ANKLE2: variants seen among roughly 807,000 people sequenced by gnomAD.
ANKLE2 encodes ankyrin repeat and LEM domain containing 2.
A neutral mutation model predicts 84.2 loss-of-function variants in ANKLE2; 55 were observed. The observed-to-expected ratio is 0.65, with a 90% CI of 0.53 to 0.82. The LOEUF (loss-of-function observed/expected upper bound fraction) is 0.82, where lower values mean the gene tolerates loss of function less well. ANKLE2 is among the 40% of genes least tolerant of loss of function. ANKLE2 has a pLI of 0.00. For synonymous variants in ANKLE2, 551 were observed against 486.1 expected, an observed-to-expected ratio of 1.13 and a Z score of -1.76; for missense variants, 1,238 against 1,201.9, an observed-to-expected ratio of 1.03 and a Z score of -0.44.
chr12:132,728,420 G>A (rs1403249800), intron 11 of ANKLE2, among the ~76,000 whole-genome samples: 4 of 152,148 alleles, frequency 2.6e-5, no homozygotes, highest in African/African-American at 7.2e-5. Flanking sequence ...ATTAGAGATA[G>A]GATTTCACCA....
intron 8 of ANKLE2, 76 bp from the exon 9 acceptor site, chr12:132,735,588 T>C (rs2043992561): frequency 8.3e-7 from 1 of 1,205,204 alleles, no homozygotes; most frequent in Admixed American, 2.0e-5. Flanking sequence ...AGAGCCGTCG[T>C]CATCGCAGTA....
intron 1 of ANKLE2, chr12:132,756,981 A>C (rs1398377723): frequency 1.3e-5 from 2 of 152,108 alleles, no homozygotes; most frequent in African/African-American, 4.8e-5. Flanking sequence ...TAAGTAAATA[A>C]ACAAAAAGAT....
At position 132,743,121 on chromosome 12, in the gene ANKLE2, C is replaced by G. The variant is rs540397658; in HGVS notation, c.1353+33G>C. 89 of 1,548,012 alleles carry G rather than the reference C, an allele frequency of 5.7e-5. No homozygotes were observed. The South Asian group carries it at 1.1e-3, about 19-fold the overall frequency. On this transcript the variant is annotated intron_variant, in intron 6 of 12. Coordinates refer to ENST00000357997, the MANE Select transcript of ANKLE2 (RefSeq NM_015114.3). The surrounding 1 kb of genome is among the most constrained non-coding windows in gnomAD (Gnocchi z 4.1). ...AATTTATATATTTCCATTTCTAACTCTAGATAGCAACTGCATTGTAATAAG... is the reference window on the plus strand; with the variant it reads ...AATTTATATATTTCCATTTCTAACTGTAGATAGCAACTGCATTGTAATAAG...
chr12:132,761,489 T>TA, intron 1 of ANKLE2, 129 bp downstream of exon 1: 2 of 824,132 alleles, frequency 2.4e-6, no homozygotes, highest in Non-Finnish European at 3.2e-6. Flanking sequence ...CGACCGGCCC[T>TA]GGTTTCCCCG....
chr12:132,732,386 G>A (rs1472218958), intron 10 of ANKLE2, among the ~76,000 whole-genome samples: 77 of 130,782 alleles, frequency 5.9e-4, no homozygotes, highest in African/African-American at 1.2e-3. Flanking sequence ...AGCGCTCTGC[G>A]TGCTGGTGTC....
rs770928721 is a variant in ANKLE2, at chr12:132,754,739, C to T, written c.576G>A (p.Ala192=). 73 of 1,614,012 alleles carry T rather than the reference C, an allele frequency of 4.5e-5. No homozygotes were observed. Among genetic ancestry groups the T allele is most frequent in the Middle Eastern group, 1.6e-4 (1 of 6,082 alleles). Residue 192 remains alanine (A), a synonymous_variant, in exon 2 of 13, where the codon GCG becomes GCA. Transcript: ENST00000357997. ...DTDTYRAGAT[A]SKEPPLYYGV... ...CATAGTACAGGGGCGGCTCCTTAGA[C>T]GCAGTCGCTCCAGCTCTGTAGGTGT... is the stretch of plus-strand genomic sequence containing the variant.
At chr12:132,750,004 A>T (rs890092579) in intron 3 of ANKLE2, among the ~76,000 whole-genome samples, 1 of 152,028 alleles carries the variant, frequency 6.6e-6, no homozygotes, top group Non-Finnish European at 1.5e-5. Context: ...CTGTCTCCAT[A>T]AAAAAAGTTT....
At position 132,755,122 on chromosome 12, in the gene ANKLE2, T is replaced by C. The variant is rs374594760; in HGVS notation, c.193A>G (p.Met65Val). 1.7e-4 allele frequency: 269 copies of C among 1,600,896 alleles called. No individual in the cohort carries two copies. Among genetic ancestry groups the C allele is most frequent in the Admixed American group, 4.4e-4 (26 of 58,590 alleles). Reference protein sequence around the residue: ...AAAPASGEMTMDALLARLKLL... With the variant: ...AAAPASGEMTVDALLARLKLL... ...TTCAATCGAGCCAACAGAGCATCCA[T>C]TGTCATTTCACCTAGGCCCAAGACA... Residue 65 changes from methionine (M) to valine (V), a missense_variant, in exon 2 of 13, where the codon ATG (methionine) becomes GTG (valine). Coordinates refer to ENST00000357997, the MANE Select transcript of ANKLE2 (RefSeq NM_015114.3).
intron 1 of ANKLE2, chr12:132,761,256 T>C (rs7398192): frequency 0.29 from 56,162 of 191,110 alleles, 9,579 homozygotes; most frequent in East Asian, 0.6. Flanking sequence ...GACCCAGGGG[T>C]TTCCTCCCCG....
chr12:132,759,034 G>GCA (rs2044548207), intron 1 of ANKLE2: 1 of 121,782 alleles, frequency 8.2e-6, no homozygotes, highest in African/African-American at 3.6e-5. Flanking sequence ...GGATCGCTGC[G>GCA]GAGTGGCACC....
At chr12:132,730,329 TCCGCCCCATCCATGACCAA>T in intron 10 of ANKLE2, 59 bp from the exon 11 acceptor site, 5 of 1,356,974 alleles carry the variant, frequency 3.7e-6, no homozygotes, top group Non-Finnish European at 5.0e-6. Flanking sequence ...ACGGAGCTGC[TCCGCCCCATCCATGACCAA>T]CTGCCGTGAC....
At chr12:132,734,319 A>G in intron 10 of ANKLE2, 66 bp downstream of exon 10, 1 of 1,528,590 alleles carries the variant, frequency 6.5e-7, no homozygotes, top group Non-Finnish European at 8.9e-7. Context: ...AGATGTGCGC[A>G]TCCCGTCAGA....
At chr12:132,741,653 T>A in intron 6 of ANKLE2, 168 bp from the exon 7 acceptor site, 1 of 710,588 alleles carries the variant, frequency 1.4e-6, no homozygotes, top group Non-Finnish European at 2.4e-6. Flanking sequence ...GTGGTCTTTC[T>A]AAAAGTCTAA....
At chr12:132,739,741 G>C (rs1566021506) in intron 7 of ANKLE2, among the ~76,000 whole-genome samples, 1 of 152,220 alleles carries the variant, frequency 6.6e-6, no homozygotes, top group Non-Finnish European at 1.5e-5. Context: ...GTGGGATGCA[G>C]GATGCAGCCA....
chr12:132,736,800 T>C (rs2044018269), intron 8 of ANKLE2, 93 bp downstream of exon 8: 8 of 1,441,330 alleles, frequency 5.6e-6, no homozygotes, highest in South Asian at 1.4e-5. Flanking sequence ...ACATGGTCCC[T>C]GAGACCACGC....
chr12:132,759,535 C>T (rs988749479), intron 1 of ANKLE2: 2 of 152,004 alleles, frequency 1.3e-5, no homozygotes, highest in Admixed American at 6.6e-5. Flanking sequence ...ACTATATGTG[C>T]TATATGATAT....
At chr12:132,736,242 G>A (rs898488294) in intron 8 of ANKLE2, among the ~76,000 whole-genome samples, 7 of 152,338 alleles carry the variant, frequency 4.6e-5, no homozygotes, top group African/African-American at 1.7e-4. Flanking sequence ...GCGTCCCGGC[G>A]CCCGGCCTGG....
intron 5 of ANKLE2, among the ~76,000 whole-genome samples, chr12:132,744,218 C>G (rs1007720983): frequency 6.6e-6 from 1 of 152,140 alleles, no homozygotes; most frequent in Non-Finnish European, 1.5e-5. Flanking sequence ...TGCCCCTGAG[C>G]CCAAGACCTG....
rs199684875 is a variant in ANKLE2 at position 132,727,338 on chromosome 12, G to C, written c.2721C>G (p.Pro907=). Residue 907 remains proline (P), a synonymous_variant, in exon 13 of 13, where the codon CCC becomes CCG. Transcript: ENST00000357997. ...CAGGACTGCCCAGGCCTGGCTTTGC[G>C]GGGTTGCTTCCAGCCACGCTGTTTC... is the stretch of plus-strand genomic sequence containing the variant. ...PGRNSVAGSN[P]AKPGLGSPGR... is the part of the protein sequence containing the mutation. 6.4e-7 allele frequency: 1 copy of C among 1,562,390 alleles called. No individual in the cohort carries two copies. Among genetic ancestry groups the C allele is most frequent in the Admixed American group, 1.9e-5 (1 of 52,696 alleles).
Sources: allele counts gnomAD v4.1 joint callset (sites outside exome capture counted in the v4.1 genomes callset), GRCh38; gene constraint gnomAD v4.1.1; non-coding constraint Gnocchi (gnomAD v3.1); transcripts MANE v1.5; gene names NCBI Gene and HGNC (gene_info 2026-07-23, HGNC 2026-07-21).